The following CNTN5 variants were observed in gnomAD, a reference collection of about 807,000 sequenced individuals.
The protein encoded by CNTN5 is contactin 5.
Under a neutral mutation model 129.1 loss-of-function variants are expected in CNTN5, and 77 were observed. That is an observed-to-expected ratio of 0.60 (90% CI 0.50 to 0.72). The LOEUF is 0.72. Ranked by LOEUF, CNTN5 falls within the 30% of genes least tolerant of loss-of-function variation. The pLI is 0.00. For missense variants in CNTN5, 1,478 were observed against 1,328.8 expected (o/e 1.11, Z -1.75); for synonymous variants, 509 against 465.6 (o/e 1.09, Z -1.20).
chr11:99,031,832 T>G (rs1048085764), intron 1 of CNTN5, among the ~76,000 whole-genome samples: 3 of 151,608 alleles, frequency 2.0e-5, no homozygotes, highest in African/African-American at 7.3e-5. Flanking sequence ...TAGTTACATA[T>G]GTATACATGT....
intron 15 of CNTN5, among the ~76,000 whole-genome samples, chr11:100,197,568 T>A (rs977836608): frequency 6.6e-6 from 1 of 151,984 alleles, no homozygotes; most frequent in Non-Finnish European, 1.5e-5. Context: ...GAACCTCTGA[T>A]TCCTCTCAGG....
intron 1 of CNTN5, among the ~76,000 whole-genome samples, chr11:99,141,140 G>A (rs930113870): frequency 5.3e-5 from 8 of 152,034 alleles, no homozygotes; most frequent in Admixed American, 4.6e-4. Context: ...TTACTGGTTG[G>A]TAGTTTTTTT....
intron 1 of CNTN5, among the ~76,000 whole-genome samples, chr11:99,199,944 C>T (rs563801503): frequency 1.3e-4 from 19 of 151,468 alleles, no homozygotes; most frequent in South Asian, 2.1e-4. Flanking sequence ...AAATACTTTG[C>T]GAACACCAAT....
intron 4 of CNTN5, among the ~76,000 whole-genome samples, chr11:99,828,227 G>A (rs1046135456): frequency 2.0e-5 from 3 of 152,120 alleles, no homozygotes; most frequent in Non-Finnish European, 4.4e-5. Context: ...AAAACTTTAT[G>A]AGCCTTTATA....
At chr11:100,272,799 T>C (rs1171967561) in intron 18 of CNTN5, among the ~76,000 whole-genome samples, 1 of 152,078 alleles carries the variant, frequency 6.6e-6, no homozygotes, top group African/African-American at 2.4e-5. Context: ...AGCAACCCAC[T>C]CTTGCCACAG....
chr11:100,036,353 C>T (rs1248196314), intron 9 of CNTN5, among the ~76,000 whole-genome samples: 1 of 151,924 alleles, frequency 6.6e-6, no homozygotes, highest in Non-Finnish European at 1.5e-5. Context: ...CAGTACCAGG[C>T]TATTTTGGTT....
intron 2 of CNTN5, among the ~76,000 whole-genome samples, chr11:99,417,068 G>A (rs1014205276): frequency 6.6e-6 from 1 of 152,092 alleles, no homozygotes; most frequent in Non-Finnish European, 1.5e-5. Flanking sequence ...TAAAATCAAT[G>A]ACCTTCACAG....
intron 3 of CNTN5, among the ~76,000 whole-genome samples, chr11:99,634,478 G>T (rs1021840916): frequency 1.3e-5 from 2 of 152,102 alleles, no homozygotes; most frequent in African/African-American, 4.8e-5. Flanking sequence ...GGGCACGAAC[G>T]GTGTCTGAAG....
chr11:99,335,338 T>C (rs543795689), intron 2 of CNTN5, among the ~76,000 whole-genome samples: 1 of 152,122 alleles, frequency 6.6e-6, no homozygotes, highest in South Asian at 2.1e-4. Flanking sequence ...ATCCTGCTTA[T>C]GAAAACATAA....
intron 21 of CNTN5, among the ~76,000 whole-genome samples, chr11:100,338,937 C>T (rs1407697359): frequency 3.9e-5 from 6 of 152,028 alleles, no homozygotes; most frequent in African/African-American, 7.2e-5. Flanking sequence ...GTGAGAGTGT[C>T]TGTAACCCTG....
chr11:99,917,568 T>TA (rs967643632), intron 7 of CNTN5, among the ~76,000 whole-genome samples: 3 of 152,132 alleles, frequency 2.0e-5, no homozygotes, highest in African/African-American at 7.2e-5. Context: ...ACAGGCTTTA[T>TA]AGAGGATGAC....
chr11:99,404,350 A>T (rs11219776), intron 2 of CNTN5, among the ~76,000 whole-genome samples: 112,716 of 151,146 alleles, frequency 0.75, 42,922 homozygotes, highest in African/African-American at 0.9. Context: ...TTCAATGTTA[A>T]TTTTGATAGG....
chr11:99,856,960 C>T (rs1423816901), intron 6 of CNTN5, among the ~76,000 whole-genome samples: 1 of 151,968 alleles, frequency 6.6e-6, no homozygotes, highest in East Asian at 1.9e-4. Context: ...ACCCACGTCT[C>T]TCTGACTGTC....
chr11:99,168,578 T>TCAAAA (rs56681956), intron 1 of CNTN5, among the ~76,000 whole-genome samples: 206 of 145,864 alleles, frequency 1.4e-3, no homozygotes, highest in Middle Eastern at 6.8e-3. Flanking sequence ...AGACTCCATC[T>TCAAAA]CAAAACAAAA....
intron 2 of CNTN5, among the ~76,000 whole-genome samples, chr11:99,488,379 G>T (rs1347224923): frequency 6.6e-6 from 1 of 151,954 alleles, no homozygotes; most frequent in Non-Finnish European, 1.5e-5. Context: ...CACCATGTTG[G>T]TCAGGCTGGT....
chr11:99,897,732 C>T (rs377217585), intron 6 of CNTN5, among the ~76,000 whole-genome samples: 5 of 151,730 alleles, frequency 3.3e-5, no homozygotes, highest in African/African-American at 1.2e-4. Flanking sequence ...AAAGCAACTG[C>T]GTAATTAAAA....
At chr11:99,914,129 C>T (rs556897360) in intron 6 of CNTN5, among the ~76,000 whole-genome samples, 4 of 152,022 alleles carry the variant, frequency 2.6e-5, no homozygotes, top group South Asian at 4.2e-4. Context: ...CCCAGCTACT[C>T]GGGAGGCTGA....
intron 3 of CNTN5, among the ~76,000 whole-genome samples, chr11:99,582,460 C>T (rs11220538): frequency 6.6e-6 from 1 of 152,180 alleles, no homozygotes; most frequent in African/African-American, 2.4e-5. Context: ...CTTTCAGGTA[C>T]ACCAATTAGA....
At chr11:100,263,135 C>T (rs2138754721) in intron 17 of CNTN5, among the ~76,000 whole-genome samples, 1 of 152,186 alleles carries the variant, frequency 6.6e-6, no homozygotes, top group East Asian at 1.9e-4. Flanking sequence ...TGGATAGTTA[C>T]TAGACACTTA....
Sources: allele counts gnomAD v4.1 joint callset (sites outside exome capture counted in the v4.1 genomes callset), GRCh38; gene constraint gnomAD v4.1.1; transcripts MANE v1.5; gene names NCBI Gene and HGNC (gene_info 2026-07-23, HGNC 2026-07-21).